Variants in DCAF8 observed in about 807,000 individuals in gnomAD.
The protein encoded by DCAF8 is DDB1- and CUL4-associated factor 8.
Under a neutral mutation model 68.0 loss-of-function variants are expected in DCAF8, and 20 were observed. That is an observed-to-expected ratio of 0.29 (90% CI 0.21 to 0.43). The LOEUF (loss-of-function observed/expected upper bound fraction) is 0.43. Ranked by LOEUF, DCAF8 falls within the 20% of genes least tolerant of loss-of-function variation. The pLI, the probability that DCAF8 is intolerant of heterozygous loss-of-function variation, is 1.00. For synonymous variants in DCAF8, 230 were observed against 276.9 expected (o/e 0.83, Z 1.68); for missense variants, 460 against 771.0 (o/e 0.60, Z 4.78).
At chr1:160,224,580 C>A (rs1221054028) in intron 9 of DCAF8, 31 bp from the exon 10 acceptor site, 3 of 1,558,326 alleles carry the variant, frequency 1.9e-6, no homozygotes, top group Non-Finnish European at 2.7e-6. Context: ...GCAGTGAAGG[C>A]AAAGGCTGAA....
chr1:160,226,267 A>G (rs1306233292), intron 7 of DCAF8, among the ~76,000 whole-genome samples: 3 of 152,144 alleles, frequency 2.0e-5, no homozygotes, highest in Non-Finnish European at 4.4e-5. Context: ...ATGTAAGTCA[A>G]TGGGTCTGTA....
intron 2 of DCAF8, among the ~76,000 whole-genome samples, chr1:160,248,007 A>T (rs558247887): frequency 3.3e-5 from 5 of 152,322 alleles, no homozygotes; most frequent in Admixed American, 2.6e-4. Context: ...GATTTATCAA[A>T]ATTAATAAAT....
chr1:160,227,111 C>T (rs1325494229), intron 7 of DCAF8, among the ~76,000 whole-genome samples: 1 of 152,148 alleles, frequency 6.6e-6, no homozygotes, highest in Non-Finnish European at 1.5e-5. Context: ...AATATTTGTA[C>T]TTCAAGTTAA....
chr1:160,233,363 AC>A (rs1655760473), intron 6 of DCAF8, among the ~76,000 whole-genome samples: 1 of 152,224 alleles, frequency 6.6e-6, no homozygotes, highest in Non-Finnish European at 1.5e-5. Context: ...AGCCTAGGCA[AC>A]ATAGTGAGCT....
In DCAF8 at chr1:160,257,428, T is replaced by C. The variant is rs530185340; in HGVS notation, c.-27+3857A>G. On this transcript the variant is annotated intron_variant, in intron 2 of 13. Transcript: ENST00000368074. ...ATAAACTTTTATACAGTAGAAATAATGGAGTAATGAATCTATCTACTGAAA... is the reference window on the plus strand; with the variant it reads ...ATAAACTTTTATACAGTAGAAATAACGGAGTAATGAATCTATCTACTGAAA... Among the ~76,000 whole-genome samples, 3 of 152,332 alleles carry C rather than the reference T, an allele frequency of 2.0e-5. No individual in the cohort carries two copies. The East Asian group carries it at 5.8e-4, about 29-fold the overall frequency.
intron 7 of DCAF8, 129 bp downstream of exon 7, chr1:160,231,168 G>T: frequency 2.9e-6 from 2 of 692,686 alleles, no homozygotes; most frequent in East Asian, 2.6e-5. Flanking sequence ...TTTGGAAAAC[G>T]GTAAAAAATT....
intron 11 of DCAF8, 178 bp from the exon 12 acceptor site, chr1:160,219,146 A>G: frequency 1.3e-6 from 1 of 741,130 alleles, no homozygotes; most frequent in Non-Finnish European, 2.2e-6. Flanking sequence ...GAAACCAGAC[A>G]CAGACTGGGT....
chr1:160,241,182 T>C (rs1656101117), intron 3 of DCAF8, among the ~76,000 whole-genome samples: 1 of 152,110 alleles, frequency 6.6e-6, no homozygotes, highest in Non-Finnish European at 1.5e-5. Flanking sequence ...ACACCTTCTG[T>C]CACCTAAATC....
chr1:160,236,391 T>A (rs1266715502), intron 6 of DCAF8, among the ~76,000 whole-genome samples: 2 of 151,622 alleles, frequency 1.3e-5, no homozygotes, highest in East Asian at 3.9e-4. Context: ...TGTGTATATA[T>A]GTGTACATGT....
intron 2 of DCAF8, among the ~76,000 whole-genome samples, chr1:160,257,730 G>A (rs987744951): frequency 2.6e-5 from 4 of 151,898 alleles, no homozygotes; most frequent in African/African-American, 7.3e-5. Context: ...TCTTTTTTTT[G>A]AGACTAGGTC....
chr1:160,218,712 A>G (rs1425453750), intron 12 of DCAF8, 137 bp downstream of exon 12: 1 of 1,326,156 alleles, frequency 7.5e-7, no homozygotes, highest in East Asian at 2.4e-5. Flanking sequence ...TACAGAGGAA[A>G]TTACAGGAAT....
rs756910442 is a variant in DCAF8, at chr1:160,240,184, T to C, written c.236A>G (p.Asp79Gly). ...TESSGEDKDS[D>G]SMEDTGHYSI... is the part of the protein sequence containing the mutation. ...GTAATGACCAGTGTCCTCCATGCTG[T>C]CAGAGTCCTTATCTTCACCTGAGCT... Residue 79 changes from aspartate to glycine, a missense_variant, in exon 4 of 14, where the codon GAC becomes GGC. Transcript: ENST00000368074. 4.3e-6 allele frequency: 7 copies of C among 1,614,024 alleles called. No individual in the cohort carries two copies. The highest frequency in any genetic ancestry group is 5.9e-6 in the Non-Finnish European group (7 of 1,179,984).
intron 6 of DCAF8, among the ~76,000 whole-genome samples, chr1:160,236,207 A>G (rs1357332335): frequency 1.3e-5 from 2 of 151,916 alleles, no homozygotes; most frequent in Non-Finnish European, 2.9e-5. Flanking sequence ...ATTATAAGCT[A>G]AAACTTAATC....
At position 160,221,639 on chromosome 1, in the gene DCAF8, G is replaced by A. The variant is rs11265359; in HGVS notation, c.1440+1012C>T. Among the ~76,000 whole-genome samples, 1,404 of 152,154 alleles carry A rather than the reference G, an allele frequency of 9.2e-3. 25 individuals are homozygous for A. The highest frequency in any genetic ancestry group is 0.031 in the African/African-American group (1,273 of 41,502). The stretch of plus-strand genomic sequence containing the variant: ...GCTCTTTGAAGTTCCCCACAGCTAA[G>A]AAGGAATAAAAAGGAAGAGAGACTT... On this transcript the variant is annotated intron_variant, in intron 11 of 13. Coordinates refer to ENST00000368074, the MANE Select transcript of DCAF8 (RefSeq NM_015726.4).
intron 4 of DCAF8, chr1:160,239,402 TCAGG>T: frequency 7.1e-7 from 1 of 1,414,814 alleles, no homozygotes; most frequent in African/African-American, 1.4e-5. Flanking sequence ...GGATTTGAAC[TCAGG>T]CAGTTTGGTT....
In DCAF8 at chr1:160,222,756, G is replaced by A. The variant is rs1655339895; in HGVS notation, c.1335C>T (p.Pro445=). 1.9e-6 allele frequency: 3 copies of A among 1,614,026 alleles called. No individual in the cohort carries two copies. The highest frequency in any genetic ancestry group is 1.7e-5 in the Admixed American group (1 of 60,004). ...TACCGCTCACCACAAACTCACTCTT[G>A]GGGCCATAGAAATTGACGCCTTTTA... The part of the protein sequence containing the change: ...ATVKGVNFYG[P]KSEFVVSGSD... The change falls in exon 11 of 14, where the codon CCC becomes CCT. Residue 445 remains proline, a synonymous_variant. Coordinates refer to ENST00000368074, the MANE Select transcript of DCAF8 (RefSeq NM_015726.4).
In DCAF8 at chr1:160,216,725, A is replaced by G. The variant is rs1336008878; in HGVS notation, c.*867T>C. The stretch of plus-strand genomic sequence containing the variant: ...GTATTTAAACTTTGACAATAATTTT[A>G]CCTTGATACATCCAAGTTTGACTTG... On this transcript the variant is annotated 3_prime_UTR_variant, in exon 14 of 14. Transcript: ENST00000368074. 3 of 152,586 alleles carry G rather than the reference A, an allele frequency of 2.0e-5. No individual in the cohort carries two copies. The highest frequency in any genetic ancestry group is 6.5e-5 in the Admixed American group (1 of 15,282). The allele number at this position is 152,586 out of a possible 1,614,324, so 9.5% of individuals were successfully genotyped here.
intron 11 of DCAF8, among the ~76,000 whole-genome samples, chr1:160,221,380 G>A (rs1167941690): frequency 1.3e-5 from 2 of 152,154 alleles, no homozygotes; most frequent in African/African-American, 2.4e-5. Context: ...AAATGAAGCA[G>A]GGAAGAGTGA....
At chr1:160,217,987 T>A (rs766922056) in intron 13 of DCAF8, 3 of 510,372 alleles carry the variant, frequency 5.9e-6, no homozygotes, top group African/African-American at 5.8e-5. Flanking sequence ...AACTGCCAGT[T>A]TGCCAACCCC....
Sources: gnomAD v4.1 joint callset for allele counts (sites outside exome capture counted in the v4.1 genomes callset) on GRCh38, gnomAD v4.1.1 for gene constraint, MANE v1.5 for transcripts, NCBI Gene and HGNC (gene_info 2026-07-23, HGNC 2026-07-21) for gene names.